The following IL20RA variants were observed in gnomAD, a reference collection of about 807,000 sequenced individuals.
The protein encoded by IL20RA is interleukin 20 receptor subunit alpha.
IL20RA carries 29 observed loss-of-function variants against 36.5 expected under a neutral mutation model. The ratio of observed to expected loss-of-function variants is 0.79; its 90% CI spans 0.59 to 1.08. IL20RA has a LOEUF of 1.08. IL20RA is among the 50% of genes least tolerant of loss of function. The probability of loss-of-function intolerance (pLI) is 0.00; values close to 1 mark genes in which losing one functional copy is unlikely to be tolerated. For synonymous variants in IL20RA, 279 were observed against 267.1 expected (o/e 1.04, Z -0.43); for missense variants, 652 against 668.4 (o/e 0.98, Z 0.27).
At chr6:137,039,767 G>C (rs367892851) in intron 1 of IL20RA, among the ~76,000 whole-genome samples, 62 of 152,316 alleles carry the variant, frequency 4.1e-4, no homozygotes, top group African/African-American at 1.4e-3. Context: ...AGCCACACTT[G>C]TCTGAGAAAA....
At chr6:137,032,799 G>C (rs1231480815) in intron 1 of IL20RA, among the ~76,000 whole-genome samples, 1 of 152,102 alleles carries the variant, frequency 6.6e-6, no homozygotes, top group Admixed American at 6.5e-5. Flanking sequence ...GGGTGACCAG[G>C]ACTAGGATCG....
At chr6:137,004,873 A>C (rs536463617) in intron 5 of IL20RA, 113 bp from the exon 6 acceptor site, 1 of 981,134 alleles carries the variant, frequency 1.0e-6, no homozygotes, top group East Asian at 2.5e-5. Flanking sequence ...GATCACTTAC[A>C]TTTGGGAACT....
chr6:137,009,044 T>C (rs1775377066), intron 4 of IL20RA: 1 of 572,152 alleles, frequency 1.7e-6, no homozygotes, highest in South Asian at 2.5e-5. Flanking sequence ...AGAGAAAGAC[T>C]GTGCAAGTGA....
chr6:137,044,511 C>T (rs1054530618), intron 1 of IL20RA, 130 bp downstream of exon 1: 2 of 995,212 alleles, frequency 2.0e-6, no homozygotes, highest in Non-Finnish European at 2.6e-6. Context: ...CCGCGCACCT[C>T]GTCCTCTGCC....
At chr6:137,038,519 A>G (rs1776570808) in intron 1 of IL20RA, among the ~76,000 whole-genome samples, 1 of 152,018 alleles carries the variant, frequency 6.6e-6, no homozygotes, top group Non-Finnish European at 1.5e-5. Flanking sequence ...TTTATATGTA[A>G]TTGATAGACC....
intron 1 of IL20RA, among the ~76,000 whole-genome samples, chr6:137,025,673 G>A (rs1296919351): frequency 6.6e-6 from 1 of 152,212 alleles, no homozygotes; most frequent in Non-Finnish European, 1.5e-5. Context: ...ATAAAATGCA[G>A]CTGCTACATT....
chr6:137,003,908 G>T (rs1775172047), intron 6 of IL20RA, among the ~76,000 whole-genome samples: 1 of 152,048 alleles, frequency 6.6e-6, no homozygotes, highest in Non-Finnish European at 1.5e-5. Flanking sequence ...CCAAGCCCTG[G>T]CATGAGAGCT....
intron 2 of IL20RA, among the ~76,000 whole-genome samples, chr6:137,011,998 T>C (rs1229898444): frequency 6.6e-6 from 1 of 152,324 alleles, no homozygotes; most frequent in African/African-American, 2.4e-5. Flanking sequence ...ATTGACTAGA[T>C]TGGTCATACT....
Position 137,002,108 on chromosome 6 carries a change from C to A in IL20RA, c.1112G>T (p.Cys371Phe), listed in dbSNP as rs1420180604. Residue 371 changes from cysteine (C) to phenylalanine (F), a missense_variant, in exon 7 of 7, where the codon TGT becomes TTT. By Grantham distance (205) the Cys-to-Phe change is radical. Coordinates refer to ENST00000316649, the MANE Select transcript of IL20RA (RefSeq NM_014432.4). ...ACCTTCCGTGTTTTCTTCAGAGTCA[C>A]AAAAAATTTCCATCAAATGCGAAGC... ...GYASHLMEIF[C>F]DSEENTEGTS... The A allele has an allele frequency of 6.2e-7, 1 of 1,614,124 alleles. No individual in the cohort carries two copies. Among genetic ancestry groups the A allele is most frequent in the South Asian group, 1.1e-5 (1 of 91,074 alleles).
chr6:137,021,720 G>C (rs1775913478), intron 1 of IL20RA, among the ~76,000 whole-genome samples: 1 of 152,072 alleles, frequency 6.6e-6, no homozygotes, highest in Non-Finnish European at 1.5e-5. Context: ...AAGAGGCTCT[G>C]TTTTAATAAT....
chr6:137,029,260 C>T (rs193266602), intron 1 of IL20RA, among the ~76,000 whole-genome samples: 119 of 152,268 alleles, frequency 7.8e-4, no homozygotes, highest in Middle Eastern at 3.4e-3. Flanking sequence ...GTAATCCCAG[C>T]GCTTTGGGAG....
intron 1 of IL20RA, among the ~76,000 whole-genome samples, chr6:137,036,518 T>A (rs527258886): frequency 3.3e-5 from 5 of 152,214 alleles, no homozygotes; most frequent in African/African-American, 9.6e-5. Flanking sequence ...TGCAGAGTCT[T>A]CTGGAAGACT....
At chr6:137,042,442 T>C (rs1776730260) in intron 1 of IL20RA, among the ~76,000 whole-genome samples, 1 of 152,222 alleles carries the variant, frequency 6.6e-6, no homozygotes, top group Non-Finnish European at 1.5e-5. Context: ...ATGCTAATCA[T>C]GGTTCTTTAT....
At chr6:137,015,447 T>C (rs1775650645) in intron 2 of IL20RA, among the ~76,000 whole-genome samples, 1 of 152,244 alleles carries the variant, frequency 6.6e-6, no homozygotes, top group Non-Finnish European at 1.5e-5. Context: ...CTGTTATTTA[T>C]TTTAATTCTT....
intron 1 of IL20RA, among the ~76,000 whole-genome samples, chr6:137,025,024 A>C (rs891169124): frequency 7.2e-5 from 11 of 152,372 alleles, no homozygotes; most frequent in Admixed American, 5.9e-4. Context: ...AGGAGTCGGC[A>C]AGGAACTATC....
chr6:137,017,484 C>A (rs537222380), intron 1 of IL20RA, among the ~76,000 whole-genome samples: 3 of 152,260 alleles, frequency 2.0e-5, no homozygotes, highest in Admixed American at 6.5e-5. Context: ...GCATGAGAGA[C>A]CTCGTGTGAG....
At chr6:137,040,170 G>A (rs1776636047) in intron 1 of IL20RA, among the ~76,000 whole-genome samples, 1 of 152,098 alleles carries the variant, frequency 6.6e-6, no homozygotes, top group African/African-American at 2.4e-5. Context: ...CTCACTGTTA[G>A]ACAAAGAGGC....
intron 2 of IL20RA, among the ~76,000 whole-genome samples, chr6:137,016,083 C>G (rs1321003525): frequency 6.6e-6 from 1 of 152,230 alleles, no homozygotes; most frequent in African/African-American, 2.4e-5. Context: ...GATGTCGTAG[C>G]CTTCCTGGGC....
At chr6:137,042,467 G>A (rs1390736151) in intron 1 of IL20RA, among the ~76,000 whole-genome samples, 1 of 152,232 alleles carries the variant, frequency 6.6e-6, no homozygotes, top group Admixed American at 6.5e-5. Context: ...CCTGAGAACA[G>A]GATATGGGAA....
Sources: allele counts gnomAD v4.1 joint callset (sites outside exome capture counted in the v4.1 genomes callset), GRCh38; gene constraint gnomAD v4.1.1; transcripts MANE v1.5; gene names NCBI Gene and HGNC (gene_info 2026-07-23, HGNC 2026-07-21).